KCNT2: variants seen among roughly 807,000 people sequenced by gnomAD.
KCNT2 encodes potassium channel subfamily T member 2.
Under a neutral mutation model 153.8 loss-of-function variants are expected in KCNT2, and 67 were observed. That is an observed-to-expected ratio of 0.44 (90% CI 0.36 to 0.53). The LOEUF (loss-of-function observed/expected upper bound fraction) is 0.53. Among genes scored for constraint, KCNT2 ranks in the 20% least tolerant of loss-of-function variants. KCNT2 has a pLI of 0.00. For synonymous variants in KCNT2, 500 were observed against 458.8 expected, an observed-to-expected ratio of 1.09 and a Z score of -1.15; for missense variants, 975 against 1,354.8, an observed-to-expected ratio of 0.72 and a Z score of 4.40.
chr1:196,296,570 T>A (rs187004899), intron 22 of KCNT2, among the ~76,000 whole-genome samples: 2 of 152,152 alleles, frequency 1.3e-5, no homozygotes, highest in African/African-American at 4.8e-5. Flanking sequence ...TGAGCCTGTA[T>A]CCAATTAGTT....
At chr1:196,410,071 T>C (rs1449543472) in intron 12 of KCNT2, among the ~76,000 whole-genome samples, 2 of 151,736 alleles carry the variant, frequency 1.3e-5, no homozygotes, top group Non-Finnish European at 2.9e-5. Context: ...TCAAACGTGA[T>C]ACTTGTTGGC....
intron 8 of KCNT2, among the ~76,000 whole-genome samples, chr1:196,461,616 CATTTA>C (rs1213649260): frequency 6.6e-6 from 1 of 151,702 alleles, no homozygotes; most frequent in African/African-American, 2.4e-5. Context: ...TAAAGTCATG[CATTTA>C]ATTCCCGGAT....
intron 1 of KCNT2, among the ~76,000 whole-genome samples, chr1:196,557,737 TA>T (rs921489166): frequency 4.6e-5 from 7 of 151,224 alleles, no homozygotes; most frequent in East Asian, 1.9e-4. Flanking sequence ...GAGGGTAAAT[TA>T]AAAAAAACTT....
In KCNT2 at chr1:196,469,029, A is replaced by G; in HGVS notation, c.424T>C (p.Leu142=). Residue 142 remains leucine, a synonymous_variant, in exon 6 of 28, where the codon TTG becomes CTG. Coordinates refer to ENST00000294725, the MANE Select transcript of KCNT2 (RefSeq NM_198503.5). ...WEQILRIPFI[L]EIINAVPFII... ...AAGGGAACTGCATTAATTATTTCCA[A>G]GATGAAGGGTATTCGTAAAATCTGT... is the stretch of plus-strand genomic sequence containing the variant. 6.2e-7 allele frequency: 1 copy of G among 1,603,088 alleles called. No individual in the cohort carries two copies.
At chr1:196,467,017 G>A (rs1677679134) in intron 7 of KCNT2, among the ~76,000 whole-genome samples, 1 of 151,904 alleles carries the variant, frequency 6.6e-6, no homozygotes, top group African/African-American at 2.4e-5. Flanking sequence ...AAATCCAGAA[G>A]GATGACTCTA....
At chr1:196,484,118 T>G (rs1301787096) in intron 3 of KCNT2, among the ~76,000 whole-genome samples, 1 of 152,128 alleles carries the variant, frequency 6.6e-6, no homozygotes, top group Non-Finnish European at 1.5e-5. Context: ...TGGAAAAAAT[T>G]ATAAAATAAG....
intron 10 of KCNT2, among the ~76,000 whole-genome samples, chr1:196,427,337 T>A (rs1673743961): frequency 6.6e-6 from 1 of 152,006 alleles, no homozygotes; most frequent in Non-Finnish European, 1.5e-5. Flanking sequence ...TATTCACAAA[T>A]CAATATTTCT....
Position 196,228,207 on chromosome 1 carries a change from T to C in KCNT2, c.*17A>G. On this transcript the variant is annotated 3_prime_UTR_variant, in exon 28 of 28. Transcript: ENST00000294725. ...AGCAAGGTCTTTGTAGGAAAAAAGT[T>C]TCTCATTTTATTTTTATCAAAGTTG... The C allele has an allele frequency of 6.6e-7, 1 of 1,509,426 alleles. No homozygotes were observed. Among genetic ancestry groups the C allele is most frequent in the Non-Finnish European group, 9.2e-7 (1 of 1,089,928 alleles). 93.5% of individuals were successfully genotyped at this position (1,509,426 alleles called of 1,614,324 possible). A position where few individuals can be genotyped will look rare whatever the true frequency, so the allele number is the denominator to read the frequency against.
chr1:196,483,835 A>T (rs568739720), intron 3 of KCNT2, among the ~76,000 whole-genome samples: 4 of 152,178 alleles, frequency 2.6e-5, no homozygotes, highest in Non-Finnish European at 4.4e-5. Context: ...TTTACTCACC[A>T]TTATAAACCC....
chr1:196,429,798 T>C, intron 8 of KCNT2, 41 bp from the exon 9 acceptor site: 1 of 1,373,476 alleles, frequency 7.3e-7, no homozygotes, highest in Non-Finnish European at 1.0e-6. Context: ...TCTTTCAAAC[T>C]GGACACATAA....
intron 14 of KCNT2, among the ~76,000 whole-genome samples, chr1:196,358,413 C>G (rs1667348629): frequency 6.6e-6 from 1 of 151,602 alleles, no homozygotes; most frequent in African/African-American, 2.4e-5. Context: ...ATACTGAAGA[C>G]AAAATCAGCA....
At chr1:196,395,335 T>C (rs1032113219) in intron 13 of KCNT2, among the ~76,000 whole-genome samples, 5 of 151,618 alleles carry the variant, frequency 3.3e-5, no homozygotes, top group African/African-American at 9.7e-5. Flanking sequence ...CTCAGAATTA[T>C]ATGCTTTTGA....
At chr1:196,326,963 G>T (rs1558148973) in intron 18 of KCNT2, 74 bp from the exon 19 acceptor site, 4 of 798,976 alleles carry the variant, frequency 5.0e-6, no homozygotes, top group South Asian at 1.8e-5. Flanking sequence ...TTAAGCTATA[G>T]GAAAATGTAA....
chr1:196,314,379 T>C (rs983543361), intron 21 of KCNT2, among the ~76,000 whole-genome samples: 1 of 151,580 alleles, frequency 6.6e-6, no homozygotes, highest in African/African-American at 2.4e-5. Context: ...TAATTTTCTT[T>C]TATATTCTCT....
intron 25 of KCNT2, among the ~76,000 whole-genome samples, chr1:196,270,027 T>C (rs1657920539): frequency 6.6e-6 from 1 of 152,128 alleles, no homozygotes; most frequent in Non-Finnish European, 1.5e-5. Flanking sequence ...GTTTTTCTTA[T>C]GAAATCAGAC....
At chr1:196,414,532 G>A (rs946577598) in intron 12 of KCNT2, among the ~76,000 whole-genome samples, 1 of 151,714 alleles carries the variant, frequency 6.6e-6, no homozygotes, top group Non-Finnish European at 1.5e-5. Flanking sequence ...CTGATATTTT[G>A]TATTACTTTT....
intron 1 of KCNT2, among the ~76,000 whole-genome samples, chr1:196,582,057 C>T (rs1230766982): frequency 6.6e-6 from 1 of 152,018 alleles, no homozygotes; most frequent in East Asian, 1.9e-4. Flanking sequence ...TTAATATTTA[C>T]TTATCAACTT....
chr1:196,237,597 G>T (rs1654557582), intron 26 of KCNT2, among the ~76,000 whole-genome samples: 1 of 151,700 alleles, frequency 6.6e-6, no homozygotes, highest in Non-Finnish European at 1.5e-5. Context: ...TGGAATCTCA[G>T]TCTGTCACTC....
At chr1:196,577,001 A>G (rs1661452741) in intron 1 of KCNT2, among the ~76,000 whole-genome samples, 1 of 152,146 alleles carries the variant, frequency 6.6e-6, no homozygotes, top group Non-Finnish European at 1.5e-5. Context: ...GTGATGATAC[A>G]TTGAATAGAA....
Sources: allele counts gnomAD v4.1 joint callset (sites outside exome capture counted in the v4.1 genomes callset), GRCh38; gene constraint gnomAD v4.1.1; transcripts MANE v1.5; gene names NCBI Gene and HGNC (gene_info 2026-07-23, HGNC 2026-07-21).